HAGHL: variants seen among roughly 807,000 people sequenced by gnomAD.
The protein encoded by HAGHL is hydroxyacylglutathione hydrolase like.
Under a neutral mutation model 29.2 loss-of-function variants are expected in HAGHL, and 27 were observed. The observed-to-expected ratio is 0.92, with a 90% CI of 0.68 to 1.27. HAGHL has a LOEUF of 1.27. Ranked by LOEUF, HAGHL falls within the 50% of genes most tolerant of loss-of-function variation. The pLI is 0.00. For synonymous variants in HAGHL, 223 were observed against 185.7 expected (o/e 1.20, Z -1.63); for missense variants, 529 against 405.5 (o/e 1.30, Z -2.62).
chr16:727,935 C>T (rs1274642578), intron 1 of HAGHL, 30 bp from the exon 2 acceptor site: 1 of 1,599,016 alleles, frequency 6.3e-7, no homozygotes, highest in South Asian at 1.1e-5. Flanking sequence ...CCGGGACCGT[C>T]TGTGTTACCG....
rs1436176916 is a variant in HAGHL, at chr16:727,414, C to T, written c.-96C>T. On this transcript the variant is annotated 5_prime_UTR_variant, in exon 1 of 8. Transcript: ENST00000389703. ...TTGACCGAGCCCGCTTCGCACAGCC[C>T]TTCCTAGGGTGTGGAGAGCGGGCCC... is the stretch of plus-strand genomic sequence containing the variant. 6 of 686,410 alleles carry T rather than the reference C, an allele frequency of 8.7e-6. No individual in the cohort carries two copies. The highest frequency in any genetic ancestry group is 2.5e-5 in the Admixed American group (1 of 39,460). The allele number at this position is 686,410 out of a possible 1,614,324, so 42.5% of individuals were successfully genotyped here.
In HAGHL at chr16:727,982, C is replaced by T. The variant is rs1386776576; in HGVS notation, c.123C>T (p.Gly41=). The change falls in exon 2 of 8, where the codon GGC becomes GGT. Residue 41 remains glycine (G), a synonymous_variant. Transcript: ENST00000389703. ...AVPKRLLEIV[G]REGVSLTAVL... ...CCTTTCAGCTGCTGGAGATCGTGGG[C>T]CGGGAGGGGGTGTCTCTGACCGCTG... 2 of 1,607,632 alleles carry T rather than the reference C, an allele frequency of 1.2e-6. No homozygotes were observed. The highest frequency in any genetic ancestry group is 8.5e-7 in the Non-Finnish European group (1 of 1,178,102).
In HAGHL at chr16:728,849, T is replaced by G. The variant is rs759211276; in HGVS notation, c.554T>G (p.Val185Gly). 1 of 1,589,686 alleles carries G rather than the reference T, an allele frequency of 6.3e-7. No individual in the cohort carries two copies. The highest frequency in any genetic ancestry group is 1.7e-4 in the Middle Eastern group (1 of 5,950). ...AGCAACCTGGAGTTTGCCCAGAAAG[T>G]GGAGCCCTGCAACGACCACGTGAGA... ...TLSNLEFAQK[V>G]EPCNDHVRAK... Residue 185 changes from valine to glycine, a missense_variant, in exon 6 of 8, where the codon GTG becomes GGG. Val to Gly is a moderately radical substitution (Grantham distance 109, BLOSUM62 -3). Coordinates refer to ENST00000389703, the MANE Select transcript of HAGHL (RefSeq NM_032304.4).
Position 728,803 on chromosome 16 carries a change from T to C in HAGHL, c.508T>C (p.Cys170Arg). The change falls in exon 6 of 8, where the codon TGC becomes CGC. Residue 170 changes from cysteine (C) to arginine (R), a missense_variant. By Grantham distance (180) the Cys-to-Arg change is radical. Transcript: ENST00000389703. ...GTLPPETKVF[C>R]GHEHTLSNLE... ...AGCGCTCTTCCTCCAGAAGGTGTTC[T>C]GCGGCCACGAGCACACGCTTAGCAA... The C allele has an allele frequency of 1.2e-6, 2 of 1,612,032 alleles. No individual in the cohort carries two copies. The highest frequency in any genetic ancestry group is 1.7e-6 in the Non-Finnish European group (2 of 1,179,670).
chr16:729,704 C>T lies in HAGHL; in HGVS notation c.*248C>T. On this transcript the variant is annotated 3_prime_UTR_variant, in exon 8 of 8. Transcript: ENST00000389703. ...CGGGGCCTCCGAACTATGAATAAAG[C>T]TTTGAAAGGCCGTTGTCAGTGTTGG... 6.8e-7 allele frequency: 1 copy of T among 1,471,448 alleles called. No homozygotes were observed. The allele number at this position is 1,471,448 out of a possible 1,614,324, so 91.1% of individuals were successfully genotyped here.
intron 5 of HAGHL, 27 bp from the exon 6 acceptor site, chr16:728,767 C>G: frequency 4.4e-6 from 7 of 1,602,230 alleles, no homozygotes; most frequent in Non-Finnish European, 6.0e-6. Flanking sequence ...TGGCCGCGTG[C>G]GCGCTCACCG....
rs2041183485 is a variant in HAGHL at position 728,553 on chromosome 16, C to A, written c.447C>A (p.Ala149=). 1.3e-6 allele frequency: 2 copies of A among 1,526,330 alleles called. No homozygotes were observed. Among genetic ancestry groups the A allele is most frequent in the Non-Finnish European group, 1.7e-6 (2 of 1,142,992 alleles). 94.5% of individuals were successfully genotyped at this position (1,526,330 alleles called of 1,614,324 possible). Residue 149 remains alanine (A), a synonymous_variant, in exon 5 of 8, where the codon GCC becomes GCA. Coordinates refer to ENST00000389703, the MANE Select transcript of HAGHL (RefSeq NM_032304.4). ...GCGGCTCGTGCCTGGAGGGCAGCGC[C>A]CAGCAGATGTACCAGAGCCTGGCCG... is the stretch of plus-strand genomic sequence containing the variant. ...AGCGSCLEGS[A]QQMYQSLAEL... is the part of the protein sequence containing the mutation.
intron 3 of HAGHL, 32 bp downstream of exon 3, chr16:728,265 G>C: frequency 6.6e-7 from 1 of 1,506,556 alleles, no homozygotes; most frequent in South Asian, 1.2e-5. Context: ...GGGCGGGGAG[G>C]GCGCCCCGGG....
chr16:728,459 C>G, intron 4 of HAGHL, 35 bp downstream of exon 4: 1 of 1,500,930 alleles, frequency 6.7e-7, no homozygotes, highest in Non-Finnish European at 8.9e-7. Context: ...ACCCCGCCTC[C>G]CGCCGGCCCC....
At position 728,364 on chromosome 16, in the gene HAGHL, G is replaced by A. The variant is rs1381231328; in HGVS notation, c.337G>A (p.Gly113Ser). The A allele has an allele frequency of 5.7e-6, 9 of 1,578,640 alleles. No homozygotes were observed. The highest frequency in any genetic ancestry group is 3.5e-5 in the Admixed American group (2 of 56,630). ...RCLLTPGHTA[G>S]HMSYFLWEDD... is the part of the protein sequence containing the mutation. The stretch of plus-strand genomic sequence containing the variant: ...CCTCCTGACGCCCGGCCACACCGCC[G>A]GCCACATGAGCTACTTCCTGTGGGA... The change falls in exon 4 of 8, where the codon GGC becomes AGC. Residue 113 changes from glycine to serine, a missense_variant. Coordinates refer to ENST00000389703, the MANE Select transcript of HAGHL (RefSeq NM_032304.4).
At chr16:729,194 C>A in intron 7 of HAGHL, 94 bp from the exon 8 acceptor site, 1 of 1,564,026 alleles carries the variant, frequency 6.4e-7, no homozygotes. Flanking sequence ...TTGGGGGAGG[C>A]TGCTCATTAA....
chr16:729,071 C>T lies in HAGHL; in HGVS notation c.663C>T (p.Asn221=), dbSNP rs1307575679. The T allele has an allele frequency of 1.4e-5, 23 of 1,609,622 alleles. No homozygotes were observed. In the East Asian group the frequency reaches 4.7e-4, roughly 33 times the overall value. ...CTCTGGGCGAGGAGCGCCTCTACAA[C>T]CCCTTCCTGCGGGTGGCGTGAGTAT... ...PSTLGEERLY[N]PFLRVAEEPV... is the part of the protein sequence containing the mutation. The change falls in exon 7 of 8, where the codon AAC becomes AAT. Residue 221 remains asparagine (N), a synonymous_variant. Transcript: ENST00000389703.
rs746514539 is a variant in HAGHL at position 729,105 on chromosome 16, T to C, written c.680+17T>C. 1.2e-5 allele frequency: 20 copies of C among 1,606,130 alleles called. 1 individual carries two copies. The highest frequency in any genetic ancestry group is 3.3e-4 in the Middle Eastern group (2 of 6,078). ...GCGGGTGGCGTGAGTATGGCTGTTGTCCCGGGGCCTCCACCGTTACGTGGA... is the reference window on the plus strand; with the variant it reads ...GCGGGTGGCGTGAGTATGGCTGTTGCCCCGGGGCCTCCACCGTTACGTGGA... On this transcript the variant is annotated intron_variant, in intron 7 of 7. Transcript: ENST00000389703.
At position 728,329 on chromosome 16, in the gene HAGHL, A is replaced by G. The variant is rs751232261; in HGVS notation, c.302A>G (p.His101Arg). The change falls in exon 4 of 8, where the codon CAC becomes CGC. Residue 101 changes from histidine to arginine, a missense_variant. By Grantham distance (29) the His-to-Arg change is conservative. Transcript: ENST00000389703. ...CCTCCGCCGCAGTTCGGGGCCATCCACGTGCGTTGCCTCCTGACGCCCGGC... is the reference window on the plus strand; with the variant it reads ...CCTCCGCCGCAGTTCGGGGCCATCCGCGTGCGTTGCCTCCTGACGCCCGGC... The part of the protein sequence containing the change: ...HGEELRFGAI[H>R]VRCLLTPGHT... 1.9e-6 allele frequency: 3 copies of G among 1,560,600 alleles called. No individual in the cohort carries two copies. The South Asian group carries it at 3.5e-5, about 18-fold the overall frequency.
chr16:728,967 C>T lies in HAGHL; in HGVS notation c.601-42C>T. The T allele has an allele frequency of 1.9e-6, 3 of 1,570,266 alleles. No homozygotes were observed. The South Asian group carries it at 3.5e-5, about 18-fold the overall frequency. On this transcript the variant is annotated intron_variant, in intron 6 of 7. Transcript: ENST00000389703. ...CAGGCTTCGGGGTGGGGGGGGCTCT[C>T]AGACAAGGCCTAATGGTGACCGGGG... is the stretch of plus-strand genomic sequence containing the variant.
Position 729,338 on chromosome 16 carries a change from T to C in HAGHL, c.731T>C (p.Leu244Pro). 6.5e-7 allele frequency: 1 copy of C among 1,534,774 alleles called. No individual in the cohort carries two copies. Among genetic ancestry groups the C allele is most frequent in the Non-Finnish European group, 8.8e-7 (1 of 1,141,420 alleles). ...FTGKAVPADV[L>P]EALCKERARF... ...GGCAAGGCGGTCCCCGCCGACGTCCTGGAGGCGCTATGCAAGGAGCGGGCG... is the reference window on the plus strand; with the variant it reads ...GGCAAGGCGGTCCCCGCCGACGTCCCGGAGGCGCTATGCAAGGAGCGGGCG... The change falls in exon 8 of 8, where the codon CTG becomes CCG. Residue 244 changes from leucine (L) to proline (P), a missense_variant. Leu to Pro is a moderately conservative substitution (Grantham distance 98). Transcript: ENST00000389703.
intron 2 of HAGHL, 29 bp downstream of exon 2, chr16:728,058 C>G (rs1476776301): frequency 1.3e-6 from 2 of 1,567,396 alleles, no homozygotes; most frequent in African/African-American, 2.8e-5. Flanking sequence ...CGGGGAGGCA[C>G]GAGGACGCCG....
At chr16:727,768 C>T (rs2041084160) in intron 1 of HAGHL, 154 bp downstream of exon 1, 1 of 717,924 alleles carries the variant, frequency 1.4e-6, no homozygotes, top group African/African-American at 1.8e-5. Flanking sequence ...GAAGTTACGG[C>T]ACCTCTGGCC....
chr16:727,573 ACG>A lies in HAGHL; in HGVS notation c.69_70del (p.Glu24GlyfsTer153). 6.2e-7 allele frequency: 1 copy of A among 1,611,804 alleles called. No homozygotes were observed. ...NYMYLVIEEL[T>X]REAVAVDVAV... ...CATGTACCTGGTCATCGAGGAGCTC[ACG>A]CGCGAGGCGGTGGCCGTGGACGTGG... is the stretch of plus-strand genomic sequence containing the variant. On this transcript the variant is annotated frameshift_variant, in exon 1 of 8. Transcript: ENST00000389703. LOFTEE classifies it high-confidence loss of function.
Sources: allele counts gnomAD v4.1 joint callset, GRCh38; gene constraint gnomAD v4.1.1; transcripts MANE v1.5; gene names NCBI Gene and HGNC (gene_info 2026-07-23, HGNC 2026-07-21).